The following CFAP47 variants were observed in gnomAD, a reference collection of about 807,000 sequenced individuals.
The protein encoded by CFAP47 is cilia and flagella associated protein 47, also known as cilia- and flagella-associated protein 47.
A neutral mutation model predicts 148.1 loss-of-function variants in CFAP47; 29 were observed. That is an observed-to-expected ratio of 0.20 (90% CI 0.15 to 0.27). The LOEUF (loss-of-function observed/expected upper bound fraction) is 0.27. CFAP47 is among the 10% of genes least tolerant of loss of function. The pLI is 1.00. For missense variants in CFAP47, 1,872 were observed against 1,697.5 expected, an observed-to-expected ratio of 1.10 and a Z score of -1.81; for synonymous variants, 664 against 577.3, an observed-to-expected ratio of 1.15 and a Z score of -2.15.
Position 36,031,254 on chromosome X carries a change from A to G in CFAP47, c.3558A>G (p.Ala1186=), listed in dbSNP as rs1039216843. 21 of 290,110 alleles carry G rather than the reference A, an allele frequency of 7.2e-5. No individual in the cohort carries two copies. The highest frequency in any genetic ancestry group is 4.2e-4 in the South Asian group (2 of 4,805). 23.9% of individuals were successfully genotyped at this position (290,110 alleles called of 1,213,427 possible). ...AGTATATTTATGTTCCTCTCACAGC[A>G]TTGCAATCACCATTGAACTTATCTA... The part of the protein sequence containing the change: ...LIRPCYVQAT[A]LQSPLNLSST... The change falls in exon 23 of 64, where the codon GCA becomes GCG. Residue 1186 remains alanine, a splice_region_variant and synonymous_variant. Transcript: ENST00000378653.
intron 62 of CFAP47, among the ~76,000 whole-genome samples, chrX:36,376,129 C>A (rs946658427): frequency 5.3e-5 from 6 of 112,237 alleles, no homozygotes; most frequent in African/African-American, 1.9e-4. Flanking sequence ...TCTTCACAGA[C>A]TGGCTTTCTA....
At chrX:36,350,600 A>G (rs925866090) in intron 59 of CFAP47, among the ~76,000 whole-genome samples, 1 of 111,417 alleles carries the variant, frequency 9.0e-6, no homozygotes, top group South Asian at 3.7e-4. Flanking sequence ...AGTTTTCAGG[A>G]AGGTTAACTT....
At chrX:36,049,978 C>A (rs1192480614) in intron 26 of CFAP47, among the ~76,000 whole-genome samples, 4 of 111,861 alleles carry the variant, frequency 3.6e-5, no homozygotes, top group African/African-American at 6.5e-5. Flanking sequence ...AGTTCCCCTG[C>A]ACGCTCTCTC....
intron 55 of CFAP47, among the ~76,000 whole-genome samples, chrX:36,307,307 C>T (rs1258018183): frequency 9.0e-6 from 1 of 111,338 alleles, no homozygotes; most frequent in South Asian, 3.7e-4. Context: ...AATAGTTTTT[C>T]GCTTTTGACA....
chrX:36,173,553 A>C, intron 39 of CFAP47, among the ~76,000 whole-genome samples: 1 of 111,287 alleles, frequency 9.0e-6, no homozygotes, highest in Non-Finnish European at 1.9e-5. Flanking sequence ...TCATTTTGTT[A>C]TGTACTCAGT....
chrX:36,353,494 A>G (rs781845112), intron 59 of CFAP47, 35 bp from the exon 60 acceptor site: 25 of 1,126,181 alleles, frequency 2.2e-5, no homozygotes, highest in Non-Finnish European at 2.7e-5. Context: ...TATCACCTAC[A>G]AGTCAAGTTA....
intron 49 of CFAP47, among the ~76,000 whole-genome samples, chrX:36,276,397 T>C (rs1381701211): frequency 8.9e-6 from 1 of 111,984 alleles, no homozygotes; most frequent in African/African-American, 3.2e-5. Context: ...GTGTTAAGAA[T>C]TGCCAATTTG....
intron 18 of CFAP47, among the ~76,000 whole-genome samples, chrX:35,993,748 C>A (rs1261382076): frequency 9.0e-6 from 1 of 110,695 alleles, no homozygotes; most frequent in East Asian, 2.8e-4. Flanking sequence ...GTTGTCATTT[C>A]TGAGTTTTGA....
chrX:36,280,020 T>C (rs1473173091), intron 49 of CFAP47, among the ~76,000 whole-genome samples: 1 of 111,376 alleles, frequency 9.0e-6, no homozygotes, highest in African/African-American at 3.3e-5. Flanking sequence ...ATAACTTTTA[T>C]AACAAAATGT....
chrX:36,083,822 G>C (rs1938030982), intron 29 of CFAP47, among the ~76,000 whole-genome samples: 1 of 110,294 alleles, frequency 9.1e-6, no homozygotes, highest in Non-Finnish European at 1.9e-5. Flanking sequence ...CTATATATAG[G>C]CAACTATGGA....
At chrX:36,076,963 C>G (rs1291777391) in intron 29 of CFAP47, among the ~76,000 whole-genome samples, 3 of 110,678 alleles carry the variant, frequency 2.7e-5, no homozygotes, top group Non-Finnish European at 5.7e-5. Flanking sequence ...AATGACTAGC[C>G]AAGTATCATA....
intron 45 of CFAP47, among the ~76,000 whole-genome samples, chrX:36,212,123 C>A (rs1555989602): frequency 2.7e-5 from 3 of 111,520 alleles, no homozygotes; most frequent in Admixed American, 1.9e-4. Context: ...TCTCTAATTG[C>A]AAAAAAGAAA....
intron 57 of CFAP47, among the ~76,000 whole-genome samples, chrX:36,335,092 C>A (rs1394824538): frequency 1.8e-5 from 2 of 111,124 alleles, no homozygotes; most frequent in Non-Finnish European, 3.8e-5. Flanking sequence ...TACACATTAT[C>A]TGTATTTAAA....
chrX:36,326,836 G>C, intron 57 of CFAP47, among the ~76,000 whole-genome samples: 1 of 111,223 alleles, frequency 9.0e-6, no homozygotes, highest in Non-Finnish European at 1.9e-5. Context: ...AAAATTTTCA[G>C]CCTGACAATG....
At chrX:36,013,691 T>C (rs6632458) in intron 21 of CFAP47, among the ~76,000 whole-genome samples, 18,994 of 110,903 alleles carry the variant, frequency 0.17, 1,829 homozygotes, top group African/African-American at 0.33. Context: ...TGAATTTGAC[T>C]CCATAATTTT....
chrX:36,282,194 C>CA (rs1556003766), intron 50 of CFAP47, among the ~76,000 whole-genome samples: 3 of 108,654 alleles, frequency 2.8e-5, no homozygotes. Flanking sequence ...AAAAAAAAAA[C>CA]AATATTAACA....
chrX:36,093,649 G>T (rs1463562627), intron 30 of CFAP47, among the ~76,000 whole-genome samples: 1 of 110,877 alleles, frequency 9.0e-6, no homozygotes, highest in Non-Finnish European at 1.9e-5. Flanking sequence ...ACAAAAAATG[G>T]TGTGAGTTGA....
intron 23 of CFAP47, among the ~76,000 whole-genome samples, chrX:36,032,159 T>G (rs1433513066): frequency 1.8e-5 from 2 of 111,271 alleles, no homozygotes; most frequent in African/African-American, 6.5e-5. Context: ...TAACTGAATT[T>G]AATGGATTTC....
intron 45 of CFAP47, among the ~76,000 whole-genome samples, chrX:36,227,065 T>C (rs1940278738): frequency 8.9e-6 from 1 of 111,831 alleles, no homozygotes; most frequent in Non-Finnish European, 1.9e-5. Flanking sequence ...ACAAATAATT[T>C]TCTGTGCTGA....
Sources: gnomAD v4.1 joint callset for allele counts (sites outside exome capture counted in the v4.1 genomes callset) on GRCh38, gnomAD v4.1.1 for gene constraint, MANE v1.5 for transcripts, NCBI Gene and HGNC (gene_info 2026-07-23, HGNC 2026-07-21) for gene names.